The following SEC16B variants were observed in gnomAD, a reference collection of about 807,000 sequenced individuals.
SEC16B encodes the protein protein transport protein Sec16B.
SEC16B carries 115 observed loss-of-function variants against 141.8 expected under a neutral mutation model. The observed-to-expected ratio is 0.81, with a 90% confidence interval of 0.70 to 0.95. SEC16B has a LOEUF of 0.95. Ranked by LOEUF, SEC16B falls within the 40% of genes least tolerant of loss-of-function variation. The pLI is 0.00. For missense variants in SEC16B, 1,291 were observed against 1,312.3 expected (o/e 0.98, Z 0.25); for synonymous variants, 493 against 492.5 (o/e 1.00, Z -0.01).
chr1:177,964,395 G>A, intron 4 of SEC16B, 116 bp from the exon 5 acceptor site: 2 of 620,274 alleles, frequency 3.2e-6, no homozygotes, highest in East Asian at 3.1e-5. Flanking sequence ...TGTCAGCCTG[G>A]GTGCCATAGG....
At chr1:177,942,090 G>T in intron 15 of SEC16B, 50 bp from the exon 16 acceptor site, 3 of 1,548,688 alleles carry the variant, frequency 1.9e-6, no homozygotes, top group Non-Finnish European at 2.6e-6. Flanking sequence ...AGGGAGAGAA[G>T]GAGAAAGAAA....
chr1:177,948,783 G>T, intron 12 of SEC16B: 1 of 893,144 alleles, frequency 1.1e-6, no homozygotes, highest in Non-Finnish European at 1.5e-6. Flanking sequence ...CTGAACCTTT[G>T]TTTTCTCATC....
At chr1:177,949,813 A>G (rs924505278) in intron 12 of SEC16B, among the ~76,000 whole-genome samples, 4 of 152,178 alleles carry the variant, frequency 2.6e-5, no homozygotes, top group Admixed American at 6.5e-5. Flanking sequence ...ATCACATGGA[A>G]CTGAAGTCCA....
chr1:177,960,361 A>C lies in SEC16B; in HGVS notation c.979T>G (p.Phe327Val). Residue 327 changes from phenylalanine (F) to valine (V), a missense_variant, in exon 8 of 26, where the codon TTC becomes GTC. By Grantham distance (50) the Phe-to-Val change is conservative. Transcript: ENST00000308284. ...DSEEQEEMRS[F>V]SGPLIREDVH... ...CTATACCTAATCAAGGGTCCTGAGA[A>C]ACTTCTCATCTCCTCTTGCTCTTCG... 1 of 1,605,206 alleles carries C rather than the reference A, an allele frequency of 6.2e-7. No individual in the cohort carries two copies. The highest frequency in any genetic ancestry group is 8.5e-7 in the Non-Finnish European group (1 of 1,173,772).
upstream of SEC16B, among the ~76,000 whole-genome samples, chr1:177,971,875 G>A (rs185028565): frequency 4.6e-5 from 7 of 152,296 alleles, no homozygotes; most frequent in Non-Finnish European, 2.9e-5. Flanking sequence ...TTAAACCATG[G>A]AAAACTTGAA....
intron 1 of SEC16B, among the ~76,000 whole-genome samples, chr1:177,983,134 G>T (rs1020925345): frequency 6.6e-6 from 1 of 152,174 alleles, no homozygotes; most frequent in African/African-American, 2.4e-5. Flanking sequence ...TGTGTGAGAA[G>T]CTGTTCAGCA....
At chr1:177,960,676 G>A (rs1221874415) in intron 7 of SEC16B, 115 bp downstream of exon 7, 3 of 1,192,674 alleles carry the variant, frequency 2.5e-6, no homozygotes, top group African/African-American at 1.6e-5. Flanking sequence ...TTTCCCGCAA[G>A]AGCATCCCAT....
At chr1:177,929,981 G>T (rs1650294778) in intron 25 of SEC16B, 52 bp from the exon 26 acceptor site, 4 of 1,580,138 alleles carry the variant, frequency 2.5e-6, no homozygotes, top group Non-Finnish European at 3.5e-6. Context: ...ACATGACTCT[G>T]CCCGGGGTTG....
Position 177,929,781 on chromosome 1 carries a change from G to C in SEC16B, c.*77C>G. On this transcript the variant is annotated 3_prime_UTR_variant, in exon 26 of 26. Coordinates refer to ENST00000308284, the MANE Select transcript of SEC16B (RefSeq NM_033127.4). ...CTCTTGAGGGTCCCAATATGGTAGA[G>C]AGGGGCTGGGAGATTGAGAAAAAGA... 6.6e-7 allele frequency: 1 copy of C among 1,510,326 alleles called. No homozygotes were observed. Among genetic ancestry groups the C allele is most frequent in the South Asian group, 1.2e-5 (1 of 84,836 alleles). 93.6% of individuals were successfully genotyped at this position (1,510,326 alleles called of 1,614,324 possible).
At chr1:177,973,529 T>C (rs1027430195), upstream of SEC16B, among the ~76,000 whole-genome samples, 2 of 152,204 alleles carry the variant, frequency 1.3e-5, no homozygotes, top group African/African-American at 4.8e-5. Context: ...AATGTGTTAT[T>C]GTCACATCAG....
chr1:177,962,979 A>C (rs1195632417), intron 5 of SEC16B, among the ~76,000 whole-genome samples: 1 of 150,318 alleles, frequency 6.7e-6, no homozygotes, highest in African/African-American at 2.4e-5. Context: ...ATGGTGGTGC[A>C]CACCTGTAGT....
intron 1 of SEC16B, among the ~76,000 whole-genome samples, chr1:177,978,955 T>C (rs950492775): frequency 1.4e-4 from 21 of 152,166 alleles, no homozygotes; most frequent in African/African-American, 5.1e-4. Flanking sequence ...GAGATGCCTA[T>C]CCTTAGCTCA....
chr1:177,976,604 G>A (rs892389639), intron 1 of SEC16B, among the ~76,000 whole-genome samples: 10 of 152,004 alleles, frequency 6.6e-5, no homozygotes, highest in Non-Finnish European at 1.3e-4. Flanking sequence ...TGTAAAATAG[G>A]GATAATAATA....
intron 10 of SEC16B, 81 bp downstream of exon 10, chr1:177,958,051 A>T: frequency 2.1e-6 from 2 of 964,250 alleles, no homozygotes; most frequent in Non-Finnish European, 2.9e-6. Flanking sequence ...TATACTATTC[A>T]CATAATTTGA....
chr1:177,931,964 A>G (rs555634555), intron 24 of SEC16B, among the ~76,000 whole-genome samples: 1 of 152,046 alleles, frequency 6.6e-6, no homozygotes, highest in African/African-American at 2.4e-5. Flanking sequence ...GGAAGCTGTT[A>G]TAGGTTGAAC....
chr1:177,946,385 T>C (rs1198976523), intron 14 of SEC16B, 35 bp downstream of exon 14: 2 of 1,433,066 alleles, frequency 1.4e-6, no homozygotes, highest in Admixed American at 3.9e-5. Flanking sequence ...CCTTGGAAAA[T>C]GTCCTTACTG....
intron 17 of SEC16B, among the ~76,000 whole-genome samples, chr1:177,940,205 A>G (rs1651173305): frequency 1.3e-5 from 2 of 152,228 alleles, no homozygotes; most frequent in Non-Finnish European, 2.9e-5. Flanking sequence ...AACAAAAAGG[A>G]AAAGGCCCGG....
chr1:177,933,990 C>CCG (rs1300698487), intron 20 of SEC16B, among the ~76,000 whole-genome samples: 3 of 144,022 alleles, frequency 2.1e-5, no homozygotes, highest in Middle Eastern at 3.3e-3. Context: ...CCCACAAGCT[C>CCG]CCCCCAAAAA....
chr1:177,933,212 A>T lies in SEC16B; in HGVS notation c.2823+2T>A. On this transcript the variant is annotated splice_donor_variant, in intron 22 of 25. Transcript: ENST00000308284. LOFTEE classifies it high-confidence loss of function. ...GCATCCTCCCCCTCCCACAGAGCCT[A>T]CCTCAGAGTCAGGGCTGTCTGAGGA... 6.4e-7 allele frequency: 1 copy of T among 1,571,478 alleles called. No individual in the cohort carries two copies. Among genetic ancestry groups the T allele is most frequent in the Non-Finnish European group, 8.6e-7 (1 of 1,157,712 alleles).
Sources: allele counts gnomAD v4.1 joint callset (sites outside exome capture counted in the v4.1 genomes callset), GRCh38; gene constraint gnomAD v4.1.1; transcripts MANE v1.5; gene names NCBI Gene and HGNC (gene_info 2026-07-23, HGNC 2026-07-21).